The following CBFA2T3 variants were observed in gnomAD, a reference collection of about 807,000 sequenced individuals.
The protein encoded by CBFA2T3 is transcriptional corepressor CBFA2T3.
In CBFA2T3, 31 loss-of-function variants were observed where a neutral mutation model predicts 58.6. That is an observed-to-expected ratio of 0.53 (90% CI 0.40 to 0.71). CBFA2T3 has a LOEUF of 0.71. Among genes scored for constraint, CBFA2T3 ranks in the 30% least tolerant of loss-of-function variants. CBFA2T3 has a pLI of 0.00. For synonymous variants in CBFA2T3, 531 were observed against 421.9 expected (o/e 1.26, Z -3.17); for missense variants, 1,076 against 963.1 (o/e 1.12, Z -1.55).
intron 1 of CBFA2T3, chr16:88,941,637 G>T (rs1180748979): frequency 1.4e-5 from 2 of 147,840 alleles, no homozygotes; most frequent in African/African-American, 4.9e-5. Context: ...TCCTGCGGGG[G>T]GCGGCGCGGG....
At chr16:88,929,647 C>G (rs1025381947) in intron 1 of CBFA2T3, among the ~76,000 whole-genome samples, 2 of 120,518 alleles carry the variant, frequency 1.7e-5, no homozygotes, top group African/African-American at 5.6e-5. Flanking sequence ...ACTACCAATA[C>G]CCACAGCTGC....
At chr16:88,912,644 C>T (rs1294405358) in intron 1 of CBFA2T3, among the ~76,000 whole-genome samples, 2 of 152,198 alleles carry the variant, frequency 1.3e-5, no homozygotes, top group Non-Finnish European at 2.9e-5. Context: ...ACGCCCGTCT[C>T]CCCCAGGGCA....
At chr16:88,898,293 C>T (rs1027736260) in intron 2 of CBFA2T3, 141 bp from the exon 3 acceptor site, 3 of 649,268 alleles carry the variant, frequency 4.6e-6, no homozygotes, top group Non-Finnish European at 5.4e-6. Flanking sequence ...CCCTCAGGGG[C>T]ACCCGGGCCG....
chr16:88,967,223 AG>A (rs1402579824), intron 1 of CBFA2T3, among the ~76,000 whole-genome samples: 2 of 109,152 alleles, frequency 1.8e-5, no homozygotes, highest in Non-Finnish European at 3.7e-5. Flanking sequence ...CCACCCCCCC[AG>A]CCCCCGAGGT....
chr16:88,932,964 G>A (rs1259665009), intron 1 of CBFA2T3, among the ~76,000 whole-genome samples: 1 of 139,730 alleles, frequency 7.2e-6, no homozygotes. Flanking sequence ...GTGAGATTGT[G>A]TCTGGGGGAA....
intron 1 of CBFA2T3, among the ~76,000 whole-genome samples, chr16:88,971,823 C>T (rs1050458515): frequency 2.0e-5 from 3 of 152,254 alleles, no homozygotes; most frequent in African/African-American, 7.2e-5. Context: ...ATCGGCCTCT[C>T]CCTGAGGCCG....
chr16:88,940,032 C>T (rs111247185), intron 1 of CBFA2T3: 1 of 152,400 alleles, frequency 6.6e-6, no homozygotes, highest in East Asian at 1.9e-4. Flanking sequence ...ACACCCGGGC[C>T]GGACGCACAG....
At chr16:88,878,158 G>A (rs1033942181) in intron 11 of CBFA2T3, among the ~76,000 whole-genome samples, 6 of 152,230 alleles carry the variant, frequency 3.9e-5, no homozygotes, top group African/African-American at 1.2e-4. Flanking sequence ...GTCACCTGCC[G>A]TGAGGCCTCC....
intron 1 of CBFA2T3, among the ~76,000 whole-genome samples, chr16:88,936,625 C>T (rs1209107221): frequency 1.3e-5 from 2 of 152,232 alleles, no homozygotes; most frequent in East Asian, 1.9e-4. Context: ...CAGAGGCAGG[C>T]GGCCGACAGC....
chr16:88,910,649 G>A (rs186738246), intron 1 of CBFA2T3, among the ~76,000 whole-genome samples: 5 of 152,334 alleles, frequency 3.3e-5, no homozygotes, highest in Non-Finnish European at 7.4e-5. Context: ...CTCGCAGCGG[G>A]GTCTCTGTGC....
chr16:88,949,317 G>A (rs1475223710), intron 1 of CBFA2T3, among the ~76,000 whole-genome samples: 1 of 152,176 alleles, frequency 6.6e-6, no homozygotes. Flanking sequence ...CCAGCACTTC[G>A]GGAGGCCGAG....
intron 1 of CBFA2T3, among the ~76,000 whole-genome samples, chr16:88,916,451 C>A (rs796339346): frequency 6.6e-6 from 1 of 151,776 alleles, no homozygotes; most frequent in Admixed American, 6.6e-5. Context: ...CACTCACGTG[C>A]ACATGTGGGT....
intron 1 of CBFA2T3, among the ~76,000 whole-genome samples, chr16:88,915,395 G>C (rs1172066264): frequency 1.1e-4 from 9 of 79,220 alleles, no homozygotes; most frequent in East Asian, 3.6e-4. Flanking sequence ...GCAGCATGGA[G>C]GGGGGAGCGT....
At chr16:88,967,918 A>G (rs1013598818) in intron 1 of CBFA2T3, among the ~76,000 whole-genome samples, 6 of 152,258 alleles carry the variant, frequency 3.9e-5, no homozygotes, top group African/African-American at 1.4e-4. Context: ...GGTAGGAAGT[A>G]GAAGGGAAAG....
Position 88,885,999 on chromosome 16 carries a change from C to T in CBFA2T3, c.855G>A (p.Leu285=). ...SSPIDSSELL[L]EVNENGKRRT... is the part of the protein sequence containing the mutation. Reference sequence around the variant, plus strand: ...TCCTCTTGCCGTTCTCGTTGACTTCCAGTAGCAGCTCTGAGGAGTCGATGG... The same window carrying T: ...TCCTCTTGCCGTTCTCGTTGACTTCTAGTAGCAGCTCTGAGGAGTCGATGG... The change falls in exon 6 of 12, where the codon CTG becomes CTA. Residue 285 remains leucine, a synonymous_variant. Transcript: ENST00000268679. The surrounding 1 kb of genome is among the most constrained non-coding windows in gnomAD (Gnocchi z 5.3). 3.2e-6 allele frequency: 5 copies of T among 1,556,890 alleles called. No homozygotes were observed. Among genetic ancestry groups the T allele is most frequent in the Non-Finnish European group, 4.3e-6 (5 of 1,151,102 alleles).
chr16:88,913,629 C>G (rs1970597203), intron 1 of CBFA2T3, among the ~76,000 whole-genome samples: 1 of 152,220 alleles, frequency 6.6e-6, no homozygotes, highest in Non-Finnish European at 1.5e-5. Flanking sequence ...CTACTCCACA[C>G]CTCATTCCTC....
intron 1 of CBFA2T3, among the ~76,000 whole-genome samples, chr16:88,926,675 G>C (rs1448594961): frequency 6.6e-6 from 1 of 152,246 alleles, no homozygotes; most frequent in Admixed American, 6.5e-5. Flanking sequence ...GGGACAAGCT[G>C]GCCATGGTCC....
chr16:88,925,463 G>C (rs1367731669), intron 1 of CBFA2T3, among the ~76,000 whole-genome samples: 2 of 152,144 alleles, frequency 1.3e-5, no homozygotes, highest in African/African-American at 4.8e-5. Context: ...AGGGGAGGGA[G>C]GCCCTTCCTG....
intron 1 of CBFA2T3, among the ~76,000 whole-genome samples, chr16:88,906,597 G>A (rs768348353): frequency 1.3e-5 from 2 of 152,244 alleles, no homozygotes; most frequent in East Asian, 1.9e-4. Context: ...AAAGGGGACC[G>A]TCTCTGTCTC....
Sources: allele counts gnomAD v4.1 joint callset (sites outside exome capture counted in the v4.1 genomes callset), GRCh38; gene constraint gnomAD v4.1.1; non-coding constraint Gnocchi (gnomAD v3.1); transcripts MANE v1.5; gene names NCBI Gene and HGNC (gene_info 2026-07-23, HGNC 2026-07-21).